KRT3: variants seen among roughly 807,000 people sequenced by gnomAD.
KRT3 encodes the protein keratin 3.
A neutral mutation model predicts 45.8 loss-of-function variants in KRT3; 34 were observed. That is an observed-to-expected ratio of 0.74 (90% confidence interval 0.57 to 0.99). KRT3 has a LOEUF of 0.99. KRT3 is among the 50% of genes least tolerant of loss of function. The pLI, the probability that KRT3 is intolerant of heterozygous loss-of-function variation, is 0.00. For missense variants in KRT3, 828 were observed against 820.6 expected (o/e 1.01, Z -0.11); for synonymous variants, 367 against 329.0 (o/e 1.12, Z -1.25).
chr12:52,792,539 C>T (rs1939544424), intron 4 of KRT3, 136 bp from the exon 5 acceptor site: 2 of 1,010,652 alleles, frequency 2.0e-6, no homozygotes, highest in Non-Finnish European at 1.5e-6. Flanking sequence ...CTGTCCGCAG[C>T]CACTCAGAGA....
chr12:52,790,380 A>G, intron 8 of KRT3, 22 bp from the exon 9 acceptor site: 1 of 1,569,524 alleles, frequency 6.4e-7, no homozygotes, highest in South Asian at 1.2e-5. Flanking sequence ...AGGACAGGAC[A>G]GCGATCAGCG....
At position 52,790,097 on chromosome 12, in the gene KRT3, C is replaced by T. The variant is rs1939449814; in HGVS notation, c.1832G>A (p.Gly611Asp). Residue 611 changes from glycine to aspartate, a missense_variant, in exon 9 of 9, where the codon GGC (glycine) becomes GAC (aspartate). Coordinates refer to ENST00000417996, the MANE Select transcript of KRT3 (RefSeq NM_057088.3). The stretch of plus-strand genomic sequence containing the variant: ...GGACTGGGAGAACTTGATGCTGCCG[C>T]CCCGGTTGCTGGCCGAGCTGAAGCC... Reference protein sequence around the residue: ...GGGFSSASNRGGSIKFSQSSQ... With the variant: ...GGGFSSASNRDGSIKFSQSSQ... 1.3e-6 allele frequency: 2 copies of T among 1,542,982 alleles called. No homozygotes were observed. The highest frequency in any genetic ancestry group is 1.7e-6 in the Non-Finnish European group (2 of 1,146,890).
intron 4 of KRT3, 47 bp from the exon 5 acceptor site, chr12:52,792,450 A>G (rs1472106416): frequency 1.3e-6 from 2 of 1,573,628 alleles, no homozygotes; most frequent in East Asian, 4.5e-5. Context: ...CCCTGTAACA[A>G]GCACACAGGG....
chr12:52,792,203 C>T (rs1417797568), intron 5 of KRT3, 36 bp downstream of exon 5: 4 of 1,597,702 alleles, frequency 2.5e-6, no homozygotes, highest in Non-Finnish European at 2.6e-6. Context: ...TCTCTGAAAC[C>T]TCCAGTGGAT....
At chr12:52,791,121 C>T in intron 7 of KRT3, 85 bp downstream of exon 7, 2 of 1,595,834 alleles carry the variant, frequency 1.3e-6, no homozygotes, top group Non-Finnish European at 1.7e-6. Flanking sequence ...CAGCAGGGCT[C>T]CATCCCCAGT....
In KRT3 at chr12:52,792,746, C is replaced by T; in HGVS notation, c.988G>A (p.Asp330Asn). ...ELQAKVDALI[D>N]EIDFLRTLYD... ...AGGGTCCTTAAGAAGTCGATCTCATCTATCAAGGCATCCACTTTGGCCTGA... is the reference window on the plus strand; with the variant it reads ...AGGGTCCTTAAGAAGTCGATCTCATTTATCAAGGCATCCACTTTGGCCTGA... The change falls in exon 4 of 9, where the codon GAT (aspartate) becomes AAT (asparagine). Residue 330 changes from aspartate (D) to asparagine (N), a missense_variant. Coordinates refer to ENST00000417996, the MANE Select transcript of KRT3 (RefSeq NM_057088.3). 6.2e-7 allele frequency: 1 copy of T among 1,613,700 alleles called. No individual in the cohort carries two copies. Among genetic ancestry groups the T allele is most frequent in the Non-Finnish European group, 8.5e-7 (1 of 1,179,596 alleles).
intron 3 of KRT3, 74 bp downstream of exon 3, chr12:52,793,089 G>A (rs1242933821): frequency 8.4e-7 from 1 of 1,189,926 alleles, no homozygotes; most frequent in Non-Finnish European, 1.2e-6. Context: ...TGTGGCAGTG[G>A]AGTGAGGAGA....
Position 52,794,231 on chromosome 12 carries a change from G to A in KRT3, c.746C>T (p.Pro249Leu), listed in dbSNP as rs753269386. The A allele has an allele frequency of 1.4e-5, 23 of 1,614,024 alleles. No individual in the cohort carries two copies. In the South Asian group the frequency reaches 2.2e-4, roughly 15 times the overall value. ...SSISGTNNLE[P>L]LFENHINYLR... is the part of the protein sequence containing the mutation. ...GTAGTTGATGTGATTCTCAAAAAGA[G>A]GCTCAAGGTTGTTTGTGCCTGAGAT... The change falls in exon 2 of 9, where the codon CCT (proline) becomes CTT (leucine). Residue 249 changes from proline (P) to leucine (L), a missense_variant. Transcript: ENST00000417996.
At chr12:52,790,990 A>G in intron 7 of KRT3, 118 bp from the exon 8 acceptor site, 3 of 1,272,908 alleles carry the variant, frequency 2.4e-6, no homozygotes, top group Non-Finnish European at 3.3e-6. Context: ...AAATCAGGTA[A>G]GCTTTCTCCA....
intron 3 of KRT3, 99 bp from the exon 4 acceptor site, chr12:52,792,905 TC>T: frequency 1.2e-6 from 1 of 823,658 alleles, no homozygotes; most frequent in Non-Finnish European, 2.0e-6. Context: ...GCAGTGATGG[TC>T]CTTGTCTAAG....
At chr12:52,793,060 G>C in intron 3 of KRT3, 103 bp downstream of exon 3, 1 of 887,836 alleles carries the variant, frequency 1.1e-6, no homozygotes, top group Non-Finnish European at 1.8e-6. Context: ...TTGCTCCAAA[G>C]GCCTGAACTT....
In KRT3 at chr12:52,795,719, G is replaced by GCCACCACCAAAT; in HGVS notation, c.323_324insATTTGGTGGTGG (p.Phe109_Gly112dup). 6.2e-7 allele frequency: 1 copy of GCCACCACCAAAT among 1,613,188 alleles called. No individual in the cohort carries two copies. Among genetic ancestry groups the GCCACCACCAAAT allele is most frequent in the South Asian group, 1.1e-5 (1 of 90,988 alleles). ...CTCCCATTCCTCTGCCACCACCAAA[G>GCCACCACCAAAT]CCACCACCAAAGCCACCTCCATAGC... is the stretch of plus-strand genomic sequence containing the variant. On this transcript the variant is annotated inframe_insertion, in exon 1 of 9. Transcript: ENST00000417996.
chr12:52,792,470 A>C (rs1237021844), intron 4 of KRT3, 67 bp from the exon 5 acceptor site: 1 of 1,474,760 alleles, frequency 6.8e-7, no homozygotes, highest in Non-Finnish European at 9.4e-7. Context: ...GCCCTGAAAG[A>C]CTCTTGATCA....
rs369156432 is a variant in KRT3, at chr12:52,793,194, G to A, written c.896C>T (p.Ala299Val). ...CAGAGTCACAAATTCATTCTCAGCA[G>A]CTGTACGTTTATTGATTTCATCCTC... ...KYEDEINKRT[A>V]AENEFVTLKK... The change falls in exon 3 of 9, where the codon GCT (alanine) becomes GTT (valine). Residue 299 changes from alanine (A) to valine (V), a missense_variant. Coordinates refer to ENST00000417996, the MANE Select transcript of KRT3 (RefSeq NM_057088.3). The A allele has an allele frequency of 1.2e-5, 20 of 1,610,576 alleles. No homozygotes were observed. The highest frequency in any genetic ancestry group is 1.7e-5 in the Non-Finnish European group (20 of 1,178,290).
Position 52,795,485 on chromosome 12 carries a change from C to A in KRT3, c.558G>T (p.Glu186Asp). 1 of 1,614,180 alleles carries A rather than the reference C, an allele frequency of 6.2e-7. No individual in the cohort carries two copies. The change falls in exon 1 of 9, where the codon GAG becomes GAT. Residue 186 changes from glutamate to aspartate, a missense_variant. Transcript: ENST00000417996. ...TTACTTGCCCAATCTGGGGGTCGAT[C>A]TCCACATTGAGGGGCTGCAGGAGAC... Reference protein sequence around the residue: ...NQSLLQPLNVEIDPQIGQVKA... With the variant: ...NQSLLQPLNVDIDPQIGQVKA...
Position 52,795,751 on chromosome 12 carries a change from C to A in KRT3, c.292G>T (p.Gly98Trp), listed in dbSNP as rs370707520. 11 of 1,613,832 alleles carry A rather than the reference C, an allele frequency of 6.8e-6. No individual in the cohort carries two copies. The African/African-American group carries it at 1.3e-4, about 20-fold the overall frequency. The change falls in exon 1 of 9, where the codon GGG becomes TGG. Residue 98 changes from glycine to tryptophan, a missense_variant. Coordinates refer to ENST00000417996, the MANE Select transcript of KRT3 (RefSeq NM_057088.3). Reference protein sequence around the residue: ...AFAGGYGGGFGSGYGGGFGGG... With the variant: ...AFAGGYGGGFWSGYGGGFGGG... ...CCAAAGCCACCTCCATAGCCGCTCC[C>A]AAAGCCACCTCCATAGCCACCTGCA...
rs187490186 is a variant in KRT3, at chr12:52,790,398, C to A, written c.1571-40G>T. ...ACAGGACAGCGATCAGCGACGGCGC[C>A]CAGGCCAGCTGCTATGTTATTGTCA... On this transcript the variant is annotated intron_variant, in intron 8 of 8. Coordinates refer to ENST00000417996, the MANE Select transcript of KRT3 (RefSeq NM_057088.3). The A allele has an allele frequency of 6.1e-4, 933 of 1,542,146 alleles. 1 individual carries two copies. The African/African-American group carries it at 0.011, about 18-fold the overall frequency.
Position 52,790,111 on chromosome 12 carries a change from C to G in KRT3, c.1818G>C (p.Ser606=). The G allele has an allele frequency of 6.5e-7, 1 of 1,543,564 alleles. No individual in the cohort carries two copies. Among genetic ancestry groups the G allele is most frequent in the South Asian group, 1.2e-5 (1 of 84,030 alleles). The part of the protein sequence containing the change: ...RYGVSGGGFS[S]ASNRGGSIKF... ...TGATGCTGCCGCCCCGGTTGCTGGC[C>G]GAGCTGAAGCCCCCGCCACTGACTC... The change falls in exon 9 of 9, where the codon TCG becomes TCC. Residue 606 remains serine (S), a synonymous_variant. Transcript: ENST00000417996.
chr12:52,792,516 T>A, intron 4 of KRT3, 113 bp from the exon 5 acceptor site: 1 of 1,138,858 alleles, frequency 8.8e-7, no homozygotes, highest in Non-Finnish European at 1.3e-6. Context: ...TCCACATGTG[T>A]ATCAGCCACA....
Sources: gnomAD v4.1 joint callset for allele counts on GRCh38, gnomAD v4.1.1 for gene constraint, MANE v1.5 for transcripts, NCBI Gene and HGNC (gene_info 2026-07-23, HGNC 2026-07-21) for gene names.